Variants in THG1L observed in about 807,000 individuals in gnomAD.
THG1L encodes tRNA-histidine guanylyltransferase 1 like.
A neutral mutation model predicts 35.2 loss-of-function variants in THG1L; 27 were observed. That is an observed-to-expected ratio of 0.77 (90% confidence interval 0.57 to 1.06). The LOEUF (loss-of-function observed/expected upper bound fraction) is 1.06. Ranked by LOEUF, THG1L falls within the 50% of genes least tolerant of loss-of-function variation. THG1L has a pLI of 0.00. For synonymous variants in THG1L, 135 were observed against 132.4 expected (o/e 1.02, Z -0.14); for missense variants, 377 against 371.8 (o/e 1.01, Z -0.12).
intron 2 of THG1L, among the ~76,000 whole-genome samples, chr5:157,734,071 G>A (rs571595317): frequency 6.6e-6 from 1 of 151,544 alleles, no homozygotes; most frequent in South Asian, 2.1e-4. Flanking sequence ...AATAGAACTG[G>A]AAGGAGAGGC....
chr5:157,733,010 A>C lies in THG1L; in HGVS notation c.334A>C (p.Lys112Gln). ...GAGTGATGAGTACAGCTTTGTGTTC[A>C]AGCGGAAAACCAATTGGTTTAAAAG... The part of the protein sequence containing the change: ...GQSDEYSFVF[K>Q]RKTNWFKRRA... Residue 112 changes from lysine to glutamine, a missense_variant, in exon 2 of 6, where the codon AAG (lysine) becomes CAG (glutamine). By Grantham distance (53) the Lys-to-Gln change is moderately conservative. Transcript: ENST00000231198. 6.2e-7 allele frequency: 1 copy of C among 1,614,150 alleles called. No individual in the cohort carries two copies. The highest frequency in any genetic ancestry group is 8.5e-7 in the Non-Finnish European group (1 of 1,179,996).
intron 3 of THG1L, among the ~76,000 whole-genome samples, chr5:157,735,315 G>A (rs1353413287): frequency 3.3e-5 from 5 of 151,654 alleles, no homozygotes; most frequent in African/African-American, 1.2e-4. Flanking sequence ...GACAAAGCCT[G>A]TTCAGTGGCA....
chr5:157,732,489 G>A (rs563040009), intron 1 of THG1L, among the ~76,000 whole-genome samples: 2 of 151,934 alleles, frequency 1.3e-5, no homozygotes, highest in African/African-American at 2.4e-5. Context: ...ACAGAAAGAT[G>A]GGAATTTAAT....
In THG1L at chr5:157,739,543, C is replaced by A. The variant is rs992950547; in HGVS notation, c.*61C>A. On this transcript the variant is annotated 3_prime_UTR_variant, in exon 6 of 6. Coordinates refer to ENST00000231198, the MANE Select transcript of THG1L (RefSeq NM_017872.5). ...GCAAGCCCTCCCACCTCCCAGGGCTCCTTGCCTTAGGTGGCTGTAGCATCC... is the reference window on the plus strand; with the variant it reads ...GCAAGCCCTCCCACCTCCCAGGGCTACTTGCCTTAGGTGGCTGTAGCATCC... 6.5e-6 allele frequency: 10 copies of A among 1,545,202 alleles called. No homozygotes were observed. The highest frequency in any genetic ancestry group is 7.9e-6 in the Non-Finnish European group (9 of 1,143,766).
chr5:157,733,721 C>A (rs988522476), intron 2 of THG1L, among the ~76,000 whole-genome samples: 2 of 152,022 alleles, frequency 1.3e-5, no homozygotes, highest in Non-Finnish European at 2.9e-5. Flanking sequence ...GCCTGTAATC[C>A]CAACACTTTG....
Position 157,739,577 on chromosome 5 carries a change from C to T in THG1L, c.*95C>T. On this transcript the variant is annotated 3_prime_UTR_variant, in exon 6 of 6. Coordinates refer to ENST00000231198, the MANE Select transcript of THG1L (RefSeq NM_017872.5). The stretch of plus-strand genomic sequence containing the variant: ...AGGTGGCTGTAGCATCCCTACCACC[C>T]AGGACACTGGTGCGAATGACACAAC... 7.0e-7 allele frequency: 1 copy of T among 1,429,268 alleles called. No homozygotes were observed. Among genetic ancestry groups the T allele is most frequent in the Non-Finnish European group, 9.4e-7 (1 of 1,061,052 alleles). The allele number at this position is 1,429,268 out of a possible 1,614,324, so 88.5% of individuals were successfully genotyped here. A position where few individuals can be genotyped will look rare whatever the true frequency, so the allele number is the denominator to read the frequency against.
intron 3 of THG1L, 108 bp downstream of exon 3, chr5:157,734,853 T>TTTCAACAAAAATATTTAAATAC: frequency 8.5e-7 from 1 of 1,177,514 alleles, no homozygotes; most frequent in African/African-American, 1.5e-5. Context: ...AACATATACG[T>TTTCAACAAAAATATTTAAATAC]TGTACAGAAT....
In THG1L at chr5:157,735,945, C is replaced by G; in HGVS notation, c.627+11C>G. On this transcript the variant is annotated intron_variant, in intron 4 of 5. Coordinates refer to ENST00000231198, the MANE Select transcript of THG1L (RefSeq NM_017872.5). ...CAAGGGAGATTACAGGTATAAAGAT[C>G]TTACTACATTAATACTTAACTGGGG... 1 of 1,557,184 alleles carries G rather than the reference C, an allele frequency of 6.4e-7. No homozygotes were observed. The highest frequency in any genetic ancestry group is 2.3e-5 in the East Asian group (1 of 44,396).
Position 157,738,872 on chromosome 5 carries a change from C to T in THG1L, c.736-449C>T, listed in dbSNP as rs556697929. On this transcript the variant is annotated intron_variant, in intron 5 of 5. Transcript: ENST00000231198. Reference sequence around the variant, plus strand: ...CAGAGTCTTGCTCTGTTGCTCAGGCCGGAGTACAGTGGTGCCATCTCGGCT... The same window carrying T: ...CAGAGTCTTGCTCTGTTGCTCAGGCTGGAGTACAGTGGTGCCATCTCGGCT... 6.9e-5 allele frequency: 13 copies of T among 188,660 alleles called. 1 individual carries two copies. Among genetic ancestry groups the T allele is most frequent in the African/African-American group, 2.2e-4 (9 of 40,292 alleles). The allele number at this position is 188,660 out of a possible 1,614,324, so 11.7% of individuals were successfully genotyped here.
Position 157,732,232 on chromosome 5 carries a change from AAAAAAAAAAAAAG to A in THG1L, c.191+603_191+615del, listed in dbSNP as rs1314499616. On this transcript the variant is annotated intron_variant, in intron 1 of 5. Transcript: ENST00000231198. ...CGCCACTACAAAAAAAAAAAAAAAA[AAAAAAAAAAAAAG>A]AGAGAGAGAGAGAGAAAGAAGGAAG... Among the ~76,000 whole-genome samples, 133 of 118,896 alleles carry A rather than the reference AAAAAAAAAAAAAG, an allele frequency of 1.1e-3. 1 individual carries two copies. Among genetic ancestry groups the A allele is most frequent in the African/African-American group, 1.7e-3 (50 of 28,852 alleles). The allele number at this position is 118,896 out of a possible 152,430, so 78.0% of individuals were successfully genotyped here.
chr5:157,732,974 G>A lies in THG1L; in HGVS notation c.298G>A (p.Ala100Thr). The change falls in exon 2 of 6, where the codon GCG (alanine) becomes ACG (threonine). Residue 100 changes from alanine to threonine, a missense_variant. Ala to Thr is a moderately conservative substitution (Grantham distance 58). Transcript: ENST00000231198. ...GGAAGAACTAGAGGATATTGTGATC[G>A]CGTATGGACAGAGTGATGAGTACAG... Reference protein sequence around the residue: ...VMEELEDIVIAYGQSDEYSFV... With the variant: ...VMEELEDIVITYGQSDEYSFV... 6.2e-7 allele frequency: 1 copy of A among 1,614,180 alleles called. No individual in the cohort carries two copies. Among genetic ancestry groups the A allele is most frequent in the Non-Finnish European group, 8.5e-7 (1 of 1,180,046 alleles).
rs779612774 is a variant in THG1L, at chr5:157,734,568, T to G, written c.369-8T>G. ...CTTACTCCACCCAATGTGCGTTACA[T>G]TTTCAAGTAAGTTCATGACTCACGT... On this transcript the variant is annotated splice_polypyrimidine_tract_variant and splice_region_variant and intron_variant, in intron 2 of 5. Transcript: ENST00000231198. 8.7e-6 allele frequency: 14 copies of G among 1,613,848 alleles called. No homozygotes were observed. The East Asian group carries it at 3.1e-4, about 36-fold the overall frequency.
intron 1 of THG1L, among the ~76,000 whole-genome samples, chr5:157,732,236 AAAAAAAAAGAGAG>A (rs1159770306): frequency 1.1e-4 from 11 of 96,534 alleles, no homozygotes; most frequent in Middle Eastern, 5.1e-3. Context: ...AAAAAAAAAA[AAAAAAAAAGAGAG>A]AGAGAGAGAG....
chr5:157,732,776 C>T, intron 1 of THG1L, 92 bp from the exon 2 acceptor site: 1 of 1,471,974 alleles, frequency 6.8e-7, no homozygotes, highest in Non-Finnish European at 9.3e-7. Context: ...ATTACATTAT[C>T]TTCCTCCAAA....
chr5:157,734,838 G>C (rs1412784893), intron 3 of THG1L, 93 bp downstream of exon 3: 7 of 1,405,382 alleles, frequency 5.0e-6, no homozygotes, highest in African/African-American at 2.9e-5. Context: ...CATATACTTT[G>C]TTTCAACATA....
Position 157,739,576 on chromosome 5 carries a change from C to T in THG1L, c.*94C>T, listed in dbSNP as rs1450256836. ...TAGGTGGCTGTAGCATCCCTACCAC[C>T]CAGGACACTGGTGCGAATGACACAA... On this transcript the variant is annotated 3_prime_UTR_variant, in exon 6 of 6. Coordinates refer to ENST00000231198, the MANE Select transcript of THG1L (RefSeq NM_017872.5). 4 of 1,439,006 alleles carry T rather than the reference C, an allele frequency of 2.8e-6. No individual in the cohort carries two copies. The African/African-American group carries it at 4.3e-5, about 15-fold the overall frequency. 89.1% of individuals were successfully genotyped at this position (1,439,006 alleles called of 1,614,324 possible).
At chr5:157,735,086 T>C (rs1215025117) in intron 3 of THG1L, among the ~76,000 whole-genome samples, 1 of 152,044 alleles carries the variant, frequency 6.6e-6, no homozygotes, top group Non-Finnish European at 1.5e-5. Flanking sequence ...TACAGGCATG[T>C]GCCACCACGC....
At position 157,734,710 on chromosome 5, in the gene THG1L, C is replaced by A; in HGVS notation, c.503C>A (p.Thr168Asn). ...GRVVVYPSNQ[T>N]LKDYLSWRQA... ...GTCGTGGTGTATCCCAGCAACCAGA[C>A]TTTAAAGGACTACCTCAGCTGGCGA... is the stretch of plus-strand genomic sequence containing the variant. Residue 168 changes from threonine (T) to asparagine (N), a missense_variant, in exon 3 of 6, where the codon ACT becomes AAT. Thr to Asn is a moderately conservative substitution (Grantham distance 65, BLOSUM62 0). Coordinates refer to ENST00000231198, the MANE Select transcript of THG1L (RefSeq NM_017872.5). 1 of 1,614,078 alleles carries A rather than the reference C, an allele frequency of 6.2e-7. No individual in the cohort carries two copies. Among genetic ancestry groups the A allele is most frequent in the Non-Finnish European group, 8.5e-7 (1 of 1,180,006 alleles).
chr5:157,739,225 AT>A (rs1760967993), intron 5 of THG1L, 95 bp from the exon 6 acceptor site: 1 of 1,178,798 alleles, frequency 8.5e-7, no homozygotes, highest in Non-Finnish European at 1.2e-6. Flanking sequence ...AGTCGGAAGT[AT>A]ATGAAGATAA....
Sources: gnomAD v4.1 joint callset for allele counts (sites outside exome capture counted in the v4.1 genomes callset) on GRCh38, gnomAD v4.1.1 for gene constraint, MANE v1.5 for transcripts, NCBI Gene and HGNC (gene_info 2026-07-23, HGNC 2026-07-21) for gene names.